The following ARHGAP32 variants were observed in gnomAD, a reference collection of about 807,000 sequenced individuals.
ARHGAP32 encodes the protein rho GTPase-activating protein 32.
Under a neutral mutation model 186.5 loss-of-function variants are expected in ARHGAP32, and 51 were observed. That is an observed-to-expected ratio of 0.27 (90% CI 0.22 to 0.35). ARHGAP32 has a LOEUF of 0.35. Ranked by LOEUF, ARHGAP32 falls within the 10% of genes least tolerant of loss-of-function variation. The pLI is 1.00. For missense variants in ARHGAP32, 2,186 were observed against 2,623.5 expected, an observed-to-expected ratio of 0.83 and a Z score of 3.64; for synonymous variants, 950 against 964.3, an observed-to-expected ratio of 0.99 and a Z score of 0.27.
chr11:129,059,903 T>C (rs551925360), intron 10 of ARHGAP32, among the ~76,000 whole-genome samples: 2 of 152,184 alleles, frequency 1.3e-5, no homozygotes, highest in Admixed American at 6.5e-5. Flanking sequence ...CACTCCAACA[T>C]GATCCATGGA....
intron 1 of ARHGAP32, among the ~76,000 whole-genome samples, chr11:129,241,570 A>G (rs1004803011): frequency 1.3e-5 from 2 of 152,092 alleles, no homozygotes; most frequent in African/African-American, 4.8e-5. Context: ...ACTTGAGCCC[A>G]GAAGGTCAAG....
At chr11:129,124,968 T>G (rs954392602) in intron 2 of ARHGAP32, 74 bp from the exon 3 acceptor site, 130 of 1,137,154 alleles carry the variant, frequency 1.1e-4, no homozygotes, top group Non-Finnish European at 1.5e-4. Context: ...GGTTATAATT[T>G]ATGTTAATAG....
intron 1 of ARHGAP32, among the ~76,000 whole-genome samples, chr11:129,221,059 T>C (rs993272991): frequency 6.6e-6 from 1 of 151,842 alleles, no homozygotes; most frequent in Non-Finnish European, 1.5e-5. Flanking sequence ...GAAGATGCTA[T>C]ATATTCTAAC....
At chr11:129,197,627 T>C (rs1361219286) in intron 1 of ARHGAP32, among the ~76,000 whole-genome samples, 1 of 152,184 alleles carries the variant, frequency 6.6e-6, no homozygotes, top group African/African-American at 2.4e-5. Context: ...TATCATATAA[T>C]TGTATCAGAA....
At chr11:129,085,483 T>C (rs1470311475) in intron 6 of ARHGAP32, among the ~76,000 whole-genome samples, 2 of 151,992 alleles carry the variant, frequency 1.3e-5, no homozygotes, top group Non-Finnish European at 2.9e-5. Flanking sequence ...AATGGAGAAA[T>C]GTTGCATGTT....
At chr11:129,134,104 A>G (rs1454821645) in intron 2 of ARHGAP32, among the ~76,000 whole-genome samples, 1 of 152,142 alleles carries the variant, frequency 6.6e-6, no homozygotes, top group Non-Finnish European at 1.5e-5. Context: ...AAAAAGATAA[A>G]AACACTACGA....
At chr11:129,013,636 TA>T (rs557448353) in intron 11 of ARHGAP32, among the ~76,000 whole-genome samples, 38 of 152,334 alleles carry the variant, frequency 2.5e-4, no homozygotes, top group African/African-American at 9.1e-4. Context: ...GAGATTTAAA[TA>T]AAACTATTCA....
chr11:129,096,706 T>C (rs987047684), intron 5 of ARHGAP32, among the ~76,000 whole-genome samples: 2 of 152,216 alleles, frequency 1.3e-5, no homozygotes, highest in African/African-American at 4.8e-5. Flanking sequence ...CAAATAGCTA[T>C]GTGTCCATTA....
chr11:128,973,482 A>G (rs763176704), intron 21 of ARHGAP32, 50 bp from the exon 22 acceptor site: 1 of 1,589,042 alleles, frequency 6.3e-7, no homozygotes, highest in East Asian at 2.2e-5. Context: ...AGCTTACGTT[A>G]TCCTAAATGG....
intron 8 of ARHGAP32, among the ~76,000 whole-genome samples, chr11:129,064,392 G>T (rs1308832803): frequency 6.6e-6 from 1 of 151,966 alleles, no homozygotes; most frequent in Non-Finnish European, 1.5e-5. Context: ...AATTTCCAGT[G>T]GGAGGAGAAA....
intron 15 of ARHGAP32, among the ~76,000 whole-genome samples, chr11:128,985,527 AT>A (rs1945839229): frequency 6.6e-6 from 1 of 152,082 alleles, no homozygotes; most frequent in African/African-American, 2.4e-5. Flanking sequence ...TTTCAATTTT[AT>A]TCTGGCTTTC....
At chr11:129,253,745 C>T (rs1367438789) in intron 1 of ARHGAP32, among the ~76,000 whole-genome samples, 1 of 152,040 alleles carries the variant, frequency 6.6e-6, no homozygotes, top group Non-Finnish European at 1.5e-5. Context: ...TAACAGGAAT[C>T]ATATCTATTT....
chr11:129,192,179 C>G lies in ARHGAP32; in HGVS notation c.20G>C (p.Ser7Thr), dbSNP rs1477590181. METESE[S>T]STLGDDSVFW... ...GACACTGTCATCCCCTAAAGTGCTA[C>G]TCTCACTTTCAGTCTCCATCTTGTA... The change falls in exon 1 of 23, where the codon AGT becomes ACT. Residue 7 changes from serine to threonine, a missense_variant. This residue lies in a region of ARHGAP32 where 108 missense variants were observed against 116.8 expected (regional missense o/e 0.92). Coordinates refer to ENST00000682385, the MANE Select transcript of ARHGAP32 (RefSeq NM_001378024.1). 4 of 1,612,660 alleles carry G rather than the reference C, an allele frequency of 2.5e-6. No homozygotes were observed. Among genetic ancestry groups the G allele is most frequent in the Non-Finnish European group, 3.4e-6 (4 of 1,178,896 alleles).
intron 5 of ARHGAP32, among the ~76,000 whole-genome samples, chr11:129,116,308 CA>C (rs1942367807): frequency 6.6e-6 from 1 of 151,972 alleles, no homozygotes; most frequent in Non-Finnish European, 1.5e-5. Flanking sequence ...TTTCACAGTC[CA>C]ACCACTTTTA....
Position 128,969,963 on chromosome 11 carries a change from C to T in ARHGAP32, c.5250G>A (p.Lys1750=). Residue 1750 remains lysine (K), a synonymous_variant, in exon 23 of 23, where the codon AAG becomes AAA. Coordinates refer to ENST00000682385, the MANE Select transcript of ARHGAP32 (RefSeq NM_001378024.1). This position sits in a 1 kb window ranked among gnomAD's most constrained non-coding sequence, Gnocchi z 4.8. ...VVSMPPAADV[K]HTYTSWDLED... ...CAAGATCCCATGAGGTGTAGGTGTG[C>T]TTCACATCAGCAGCCGGAGGCATGC... The T allele has an allele frequency of 5.0e-6, 8 of 1,614,216 alleles. No individual in the cohort carries two copies. Among genetic ancestry groups the T allele is most frequent in the African/African-American group, 1.3e-5 (1 of 75,046 alleles).
At chr11:129,249,344 C>T (rs764730384) in intron 1 of ARHGAP32, among the ~76,000 whole-genome samples, 5 of 151,954 alleles carry the variant, frequency 3.3e-5, no homozygotes, top group Admixed American at 2.0e-4. Flanking sequence ...CACACACATA[C>T]ATATATACAT....
intron 6 of ARHGAP32, among the ~76,000 whole-genome samples, chr11:129,092,474 C>T (rs1647507140): frequency 6.6e-6 from 1 of 151,922 alleles, no homozygotes; most frequent in Admixed American, 6.6e-5. Context: ...TAAAAATTAA[C>T]TCACCAAATG....
At chr11:129,133,395 T>C (rs1319318311) in intron 2 of ARHGAP32, among the ~76,000 whole-genome samples, 1 of 152,074 alleles carries the variant, frequency 6.6e-6, no homozygotes, top group Non-Finnish European at 1.5e-5. Context: ...TTGAAAGATA[T>C]ATATTTACAG....
In ARHGAP32 at chr11:129,240,180, C is replaced by G. The variant is rs539042544; in HGVS notation, c.-5+38966G>C. ...CCAACCTCATCATACAATATACCCCCACAGCCAAGGGTGACTAGACATATA... is the reference window on the plus strand; with the variant it reads ...CCAACCTCATCATACAATATACCCCGACAGCCAAGGGTGACTAGACATATA... On this transcript the variant is annotated intron_variant, in intron 1 of 6. Transcript: ENST00000525234. Among the ~76,000 whole-genome samples the G allele has an allele frequency of 1.9e-3, 290 of 152,182 alleles. 4 individuals carry two copies. Among genetic ancestry groups the G allele is most frequent in the African/African-American group, 6.9e-3 (285 of 41,526 alleles).
Sources: gnomAD v4.1 joint callset for allele counts (sites outside exome capture counted in the v4.1 genomes callset) on GRCh38, gnomAD v4.1.1 for gene constraint, gnomAD v4.1.1 regional missense constraint, Gnocchi (gnomAD v3.1) non-coding constraint, MANE v1.5 for transcripts, NCBI Gene and HGNC (gene_info 2026-07-23, HGNC 2026-07-21) for gene names.